The following PTCHD4 variants were observed in gnomAD, a reference collection of about 807,000 sequenced individuals.
The protein encoded by PTCHD4 is patched domain-containing protein 4.
A neutral mutation model predicts 58.1 loss-of-function variants in PTCHD4; 33 were observed. The observed-to-expected ratio is 0.57, with a 90% confidence interval of 0.43 to 0.76. The LOEUF (loss-of-function observed/expected upper bound fraction) is 0.76, where lower values mean the gene tolerates loss of function less well. Ranked by LOEUF, PTCHD4 falls within the 30% of genes least tolerant of loss-of-function variation. PTCHD4 has a pLI of 0.00. For synonymous variants in PTCHD4, 478 were observed against 409.6 expected (o/e 1.17, Z -2.02); for missense variants, 1,058 against 1,027.1 (o/e 1.03, Z -0.41).
At chr6:48,079,904 A>G (rs879717007) in intron 1 of PTCHD4, among the ~76,000 whole-genome samples, 5 of 149,302 alleles carry the variant, frequency 3.3e-5, no homozygotes, top group Admixed American at 6.8e-5. Context: ...TTTATAGCCA[A>G]TTTGGGATTA....
At chr6:47,912,077 T>G (rs1049024977) in intron 4 of PTCHD4, among the ~76,000 whole-genome samples, 1 of 152,044 alleles carries the variant, frequency 6.6e-6, no homozygotes, top group Non-Finnish European at 1.5e-5. Context: ...CTGGGGCTGA[T>G]AAAGAAGAGA....
intron 4 of PTCHD4, among the ~76,000 whole-genome samples, chr6:47,905,749 T>C (rs1285935883): frequency 6.6e-6 from 1 of 152,204 alleles, no homozygotes; most frequent in Non-Finnish European, 1.5e-5. Flanking sequence ...ATGCCCTCGA[T>C]CATGTCACTG....
Position 48,001,475 on chromosome 6 carries a change from C to T in PTCHD4, c.898+7159G>A, listed in dbSNP as rs1768719938. On this transcript the variant is annotated intron_variant, in intron 4 of 4. Transcript: ENST00000339488. Reference sequence around the variant, plus strand: ...TGCCACATATCTACAACCATCTGATCTTTGACAAACGTGACAAAAACAAGA... The same window carrying T: ...TGCCACATATCTACAACCATCTGATTTTTGACAAACGTGACAAAAACAAGA... Among the ~76,000 whole-genome samples the T allele has an allele frequency of 1.3e-5, 2 of 152,172 alleles. 1 individual carries two copies. Among genetic ancestry groups the T allele is most frequent in the South Asian group, 4.1e-4 (2 of 4,830 alleles).
intron 4 of PTCHD4, among the ~76,000 whole-genome samples, chr6:47,889,810 T>G (rs995696370): frequency 1.3e-5 from 2 of 150,882 alleles, no homozygotes; most frequent in Non-Finnish European, 3.0e-5. Context: ...ACTTCATGTC[T>G]AAAACACCAA....
Position 48,008,766 on chromosome 6 carries a change from G to T in PTCHD4, c.766C>A (p.Arg256Ser), listed in dbSNP as rs371978067. 1.9e-6 allele frequency: 3 copies of T among 1,613,922 alleles called. No homozygotes were observed. The highest frequency in any genetic ancestry group is 2.5e-6 in the Non-Finnish European group (3 of 1,179,872). ...AGGAGGCCCAGGAAGGGCTTACTGC[G>T]CAAGCAGTCCTTCATGGAGCTGGAG... is the stretch of plus-strand genomic sequence containing the variant. ...TLSSSMKDCL[R>S]SKPFLGLLGV... Residue 256 changes from arginine (R) to serine (S), a missense_variant, in exon 4 of 5, where the codon CGC becomes AGC. Arg to Ser is a moderately radical substitution (Grantham distance 110). Coordinates refer to ENST00000339488, the MANE Select transcript of PTCHD4 (RefSeq NM_001384253.1).
chr6:48,066,711 G>C (rs945087786), intron 3 of PTCHD4, among the ~76,000 whole-genome samples: 13 of 151,512 alleles, frequency 8.6e-5, no homozygotes, highest in African/African-American at 2.4e-4. Flanking sequence ...CATCTGTTTC[G>C]TTTCACTAAA....
At chr6:48,109,717 C>T (rs570493363) in intron 1 of PTCHD4, among the ~76,000 whole-genome samples, 1 of 151,918 alleles carries the variant, frequency 6.6e-6, no homozygotes, top group African/African-American at 2.4e-5. Flanking sequence ...TAAACAACAA[C>T]AAAACCCCAA....
intron 4 of PTCHD4, among the ~76,000 whole-genome samples, chr6:47,927,711 G>T (rs1414576404): frequency 1.3e-5 from 2 of 151,934 alleles, no homozygotes; most frequent in Non-Finnish European, 2.9e-5. Context: ...TTAAATATGA[G>T]AATATTGGAT....
chr6:48,015,496 C>T (rs113966846), intron 3 of PTCHD4, among the ~76,000 whole-genome samples: 8,410 of 151,898 alleles, frequency 0.055, 360 homozygotes, highest in African/African-American at 0.088. Context: ...AACCTTTCTT[C>T]CTATTCCTTG....
At chr6:48,058,641 A>G (rs647942) in intron 3 of PTCHD4, among the ~76,000 whole-genome samples, 64,963 of 152,074 alleles carry the variant, frequency 0.43, 14,041 homozygotes, top group South Asian at 0.5. Context: ...AGAAATAGAA[A>G]AACCATAATC....
Position 47,879,786 on chromosome 6 carries a change from A to G in PTCHD4, c.1049T>C (p.Met350Thr), listed in dbSNP as rs773713916. The G allele has an allele frequency of 1.2e-6, 2 of 1,613,684 alleles. No homozygotes were observed. The highest frequency in any genetic ancestry group is 1.7e-5 in the Admixed American group (1 of 59,926). Residue 350 changes from methionine to threonine, a missense_variant, in exon 5 of 5, where the codon ATG (methionine) becomes ACG (threonine). Physicochemically the swap from Met to Thr is moderately conservative, Grantham distance 81. Coordinates refer to ENST00000339488, the MANE Select transcript of PTCHD4 (RefSeq NM_001384253.1). ...TSSLYFITFGMGASPFTNIEA... is the reference protein window; with the variant it reads ...TSSLYFITFGTGASPFTNIEA... ...TATGTTTGTGAATGGGCTGGCACCC[A>G]TGCCAAAAGTGATGAAGTACAGGGA...
chr6:47,860,650 T>G lies in PTCHD4; in HGVS notation c.*17653A>C, dbSNP rs1030692451. ...ATGATTTTTTTTCTCTGAACTCATA[T>G]CTTCAATTTCCTAGAGTATTGTTAC... is the stretch of plus-strand genomic sequence containing the variant. On this transcript the variant is annotated 3_prime_UTR_variant, in exon 5 of 5. Coordinates refer to ENST00000339488, the MANE Select transcript of PTCHD4 (RefSeq NM_001384253.1). Among the ~76,000 whole-genome samples the G allele has an allele frequency of 3.3e-5, 5 of 151,976 alleles. No homozygotes were observed. The highest frequency in any genetic ancestry group is 1.2e-4 in the African/African-American group (5 of 41,426).
intron 4 of PTCHD4, among the ~76,000 whole-genome samples, chr6:47,905,043 T>TCACACACACA (rs70999653): frequency 0.11 from 14,040 of 131,426 alleles, 916 homozygotes; most frequent in South Asian, 0.13. Context: ...AATACAGCCA[T>TCACACACACA]CACACACACA....
At chr6:48,032,260 G>A (rs887738671) in intron 3 of PTCHD4, among the ~76,000 whole-genome samples, 1 of 152,120 alleles carries the variant, frequency 6.6e-6, no homozygotes, top group African/African-American at 2.4e-5. Flanking sequence ...CCAGACATCT[G>A]TAAAGATGGA....
chr6:47,989,415 G>A (rs533778075), intron 4 of PTCHD4, among the ~76,000 whole-genome samples: 34 of 152,310 alleles, frequency 2.2e-4, no homozygotes, highest in African/African-American at 5.8e-4. Context: ...CATCTCCAGG[G>A]CATGTCAGAG....
intron 4 of PTCHD4, among the ~76,000 whole-genome samples, chr6:47,921,249 A>C (rs1765422636): frequency 6.6e-6 from 1 of 152,140 alleles, no homozygotes; most frequent in Non-Finnish European, 1.5e-5. Context: ...TGATAGGAGA[A>C]AGTGCCATTT....
intron 3 of PTCHD4, among the ~76,000 whole-genome samples, chr6:48,064,640 T>C (rs1229298808): frequency 1.3e-5 from 2 of 152,230 alleles, no homozygotes; most frequent in East Asian, 3.9e-4. Context: ...ATAATAAAAG[T>C]AAGCCACAAA....
chr6:47,978,910 T>C (rs1767786763), intron 4 of PTCHD4, among the ~76,000 whole-genome samples: 1 of 152,184 alleles, frequency 6.6e-6, no homozygotes, highest in Non-Finnish European at 1.5e-5. Context: ...ATAACCAGAA[T>C]GAATATTCTA....
At chr6:47,966,654 T>A (rs1767307672) in intron 4 of PTCHD4, among the ~76,000 whole-genome samples, 1 of 152,248 alleles carries the variant, frequency 6.6e-6, no homozygotes, top group South Asian at 2.1e-4. Flanking sequence ...ATTTAATTTA[T>A]GTAATATTCT....
Sources: gnomAD v4.1 joint callset for allele counts (sites outside exome capture counted in the v4.1 genomes callset) on GRCh38, gnomAD v4.1.1 for gene constraint, MANE v1.5 for transcripts, NCBI Gene and HGNC (gene_info 2026-07-23, HGNC 2026-07-21) for gene names.